Variants in UMAD1 observed in about 807,000 individuals in gnomAD.
The protein encoded by UMAD1 is UBAP1-MVB12-associated (UMA) domain containing 1.
A neutral mutation model predicts 6.1 loss-of-function variants in UMAD1; 8 were observed. That is an observed-to-expected ratio of 1.30 (90% CI 0.76 to 2.35). The LOEUF is 2.35. Among genes scored for constraint, UMAD1 ranks in the 30% most tolerant of loss-of-function variants. The probability of loss-of-function intolerance (pLI) is 0.00; values close to 1 mark genes in which losing one functional copy is unlikely to be tolerated. For synonymous variants in UMAD1, 56 were observed against 31.4 expected, an observed-to-expected ratio of 1.78 and a Z score of -2.61; for missense variants, 130 against 78.4, an observed-to-expected ratio of 1.66 and a Z score of -2.49.
chr7:7,827,147 A>ATGTGTGTGTGTG (rs60211625), intron 3 of UMAD1, among the ~76,000 whole-genome samples: 4 of 134,150 alleles, frequency 3.0e-5, no homozygotes, highest in South Asian at 2.5e-4. Context: ...ATATATATAT[A>ATGTGTGTGTGTG]TGTGTGTGTG....
chr7:7,862,329 A>G (rs889558146), intron 3 of UMAD1, among the ~76,000 whole-genome samples: 4 of 152,176 alleles, frequency 2.6e-5, no homozygotes, highest in Non-Finnish European at 4.4e-5. Flanking sequence ...CACTGAAATG[A>G]GTATTATTCC....
At chr7:7,666,539 A>T in intron 1 of UMAD1, among the ~76,000 whole-genome samples, 1 of 152,140 alleles carries the variant, frequency 6.6e-6, no homozygotes, top group East Asian at 1.9e-4. Flanking sequence ...AAATATTTTA[A>T]TAGGTATATA....
intron 3 of UMAD1, among the ~76,000 whole-genome samples, chr7:7,818,668 C>A (rs1220708869): frequency 6.6e-6 from 1 of 152,110 alleles, no homozygotes; most frequent in East Asian, 1.9e-4. Flanking sequence ...ACTGTATATA[C>A]CCAAAGGAAT....
intron 2 of UMAD1, among the ~76,000 whole-genome samples, chr7:7,692,860 G>A (rs759572302): frequency 4.6e-5 from 7 of 152,158 alleles, no homozygotes; most frequent in Non-Finnish European, 1.0e-4. Context: ...GCCTGCCTCG[G>A]CTTCCCACAG....
intron 3 of UMAD1, among the ~76,000 whole-genome samples, chr7:7,862,697 T>C (rs1264832940): frequency 2.0e-5 from 3 of 152,236 alleles, no homozygotes; most frequent in Non-Finnish European, 4.4e-5. Context: ...ATAAGATGCT[T>C]AGTTTAACTG....
chr7:7,782,867 C>G (rs543960824), intron 2 of UMAD1, among the ~76,000 whole-genome samples: 22 of 151,956 alleles, frequency 1.4e-4, no homozygotes, highest in African/African-American at 5.1e-4. Flanking sequence ...ATAGCTGGGA[C>G]TACAGATGCA....
At chr7:7,743,613 C>G (rs1248987009) in intron 2 of UMAD1, among the ~76,000 whole-genome samples, 2 of 151,630 alleles carry the variant, frequency 1.3e-5, no homozygotes, top group Non-Finnish European at 2.9e-5. Flanking sequence ...CTACTCTGGA[C>G]AAAGTGAGTC....
chr7:7,725,071 C>A (rs2881962), intron 2 of UMAD1, among the ~76,000 whole-genome samples: 24,239 of 152,154 alleles, frequency 0.16, 2,317 homozygotes, highest in African/African-American at 0.27. Context: ...AATTCAGGAA[C>A]CTTCCACCTC....
At chr7:7,744,217 C>T (rs1583792204) in intron 2 of UMAD1, among the ~76,000 whole-genome samples, 1 of 151,950 alleles carries the variant, frequency 6.6e-6, no homozygotes, top group African/African-American at 2.4e-5. Context: ...TTTTTGTTTT[C>T]AAGACCTCTC....
intron 2 of UMAD1, among the ~76,000 whole-genome samples, chr7:7,777,122 C>T (rs947835252): frequency 6.6e-6 from 1 of 152,058 alleles, no homozygotes; most frequent in Non-Finnish European, 1.5e-5. Context: ...TTTCTTTTGA[C>T]AGTTAGTATT....
chr7:7,690,662 ATACTT>A (rs1780152283), intron 2 of UMAD1, among the ~76,000 whole-genome samples: 1 of 152,188 alleles, frequency 6.6e-6, no homozygotes, highest in South Asian at 2.1e-4. Flanking sequence ...TATATTGAGA[ATACTT>A]TAATATATCT....
intron 2 of UMAD1, among the ~76,000 whole-genome samples, chr7:7,698,954 C>G (rs1360432390): frequency 6.7e-6 from 1 of 150,212 alleles, no homozygotes; most frequent in African/African-American, 2.5e-5. Context: ...TCCCTGGGCT[C>G]AGTGATTCTC....
chr7:7,709,518 AC>A (rs1780694975), intron 2 of UMAD1, among the ~76,000 whole-genome samples: 1 of 152,180 alleles, frequency 6.6e-6, no homozygotes, highest in South Asian at 2.1e-4. Context: ...TGACTGGGGG[AC>A]TTGAAGTTGA....
rs1384960546 is a variant in UMAD1, at chr7:7,877,280, G to C, written c.157-1G>C. ...AATGTTTTAAATGTATGTATTTTTA[G>C]ACCAACAAAGAAAATTCATCCAGTG... is the stretch of plus-strand genomic sequence containing the variant. On this transcript the variant is annotated splice_acceptor_variant, in intron 3 of 3. Transcript: ENST00000682710. LOFTEE classifies it high-confidence loss of function. 5.6e-6 allele frequency: 4 copies of C among 711,664 alleles called. No homozygotes were observed. Among genetic ancestry groups the C allele is most frequent in the African/African-American group, 1.7e-5 (1 of 57,246 alleles). 44.1% of individuals were successfully genotyped at this position (711,664 alleles called of 1,614,324 possible). A position where few individuals can be genotyped will look rare whatever the true frequency, so the allele number is the denominator to read the frequency against.
chr7:7,742,468 A>T (rs1218300576), intron 2 of UMAD1: 2 of 531,672 alleles, frequency 3.8e-6, no homozygotes, highest in Non-Finnish European at 7.4e-6. Flanking sequence ...GTGGTTGTGG[A>T]CACCTTTCAA....
chr7:7,816,063 G>A (rs10276423), intron 3 of UMAD1, among the ~76,000 whole-genome samples: 83,245 of 151,866 alleles, frequency 0.55, 23,071 homozygotes, highest in East Asian at 0.62. Flanking sequence ...GATAAGCTAA[G>A]CACAATGCTG....
chr7:7,773,363 G>A (rs550428879), intron 2 of UMAD1, among the ~76,000 whole-genome samples: 2 of 152,230 alleles, frequency 1.3e-5, no homozygotes, highest in African/African-American at 2.4e-5. Flanking sequence ...TTTAAAATGA[G>A]TTAGTCAAAT....
chr7:7,792,540 C>T (rs184624143), intron 2 of UMAD1, among the ~76,000 whole-genome samples: 7 of 152,160 alleles, frequency 4.6e-5, no homozygotes, highest in Non-Finnish European at 8.8e-5. Flanking sequence ...ATGGGAAGCA[C>T]CATGATATTA....
intron 1 of UMAD1, among the ~76,000 whole-genome samples, chr7:7,664,352 C>G (rs1779382652): frequency 6.6e-6 from 1 of 152,146 alleles, no homozygotes; most frequent in African/African-American, 2.4e-5. Flanking sequence ...CTCAGTCTCT[C>G]TAGCATGCTA....
Sources: gnomAD v4.1 joint callset for allele counts (sites outside exome capture counted in the v4.1 genomes callset) on GRCh38, gnomAD v4.1.1 for gene constraint, MANE v1.5 for transcripts, NCBI Gene and HGNC (gene_info 2026-07-23, HGNC 2026-07-21) for gene names.